The following ST6GALNAC5 variants were observed in gnomAD, a reference collection of about 807,000 sequenced individuals.
ST6GALNAC5 encodes alpha-N-acetylgalactosaminide alpha-2,6-sialyltransferase 5.
A neutral mutation model predicts 33.6 loss-of-function variants in ST6GALNAC5; 27 were observed. The ratio of observed to expected loss-of-function variants is 0.80; its 90% CI spans 0.59 to 1.11. ST6GALNAC5 has a LOEUF of 1.11. Among genes scored for constraint, ST6GALNAC5 ranks in the 50% least tolerant of loss-of-function variants. The pLI is 0.00. For synonymous variants in ST6GALNAC5, 194 were observed against 171.2 expected (o/e 1.13, Z -1.04); for missense variants, 428 against 454.0 (o/e 0.94, Z 0.52).
At chr1:76,958,637 G>A (rs567075284) in intron 2 of ST6GALNAC5, among the ~76,000 whole-genome samples, 1 of 151,962 alleles carries the variant, frequency 6.6e-6, no homozygotes, top group Non-Finnish European at 1.5e-5. Context: ...AATAGTAGAT[G>A]GCACATTTTG....
At chr1:77,039,245 C>T (rs534609481) in intron 2 of ST6GALNAC5, among the ~76,000 whole-genome samples, 313 of 152,316 alleles carry the variant, frequency 2.1e-3, no homozygotes, top group African/African-American at 6.8e-3. Flanking sequence ...TTTTTCACCT[C>T]ACAACAGCTC....
Position 77,044,440 on chromosome 1 carries a change from C to T in ST6GALNAC5, c.498C>T (p.Thr166=), listed in dbSNP as rs369823894. 62 of 1,613,150 alleles carry T rather than the reference C, an allele frequency of 3.8e-5. No homozygotes were observed. The East Asian group carries it at 4.7e-4, about 12-fold the overall frequency. Reference sequence around the variant, plus strand: ...ACCTGCTCAACGTGAGCCAGGGCACCGTGTTCATCTTCTGGGGCCCCAGCA... The same window carrying T: ...ACCTGCTCAACGTGAGCCAGGGCACTGTGTTCATCTTCTGGGGCCCCAGCA... ...RHDLLNVSQG[T]VFIFWGPSSY... Residue 166 remains threonine, a synonymous_variant, in exon 3 of 5, where the codon ACC becomes ACT. Transcript: ENST00000477717.
chr1:76,986,506 A>G (rs1489978440), intron 2 of ST6GALNAC5, among the ~76,000 whole-genome samples: 1 of 152,238 alleles, frequency 6.6e-6, no homozygotes, highest in Non-Finnish European at 1.5e-5. Flanking sequence ...TTAAAAAGTC[A>G]GGAAACAATA....
intron 4 of ST6GALNAC5, among the ~76,000 whole-genome samples, chr1:77,056,527 T>C (rs558584621): frequency 2.0e-5 from 3 of 152,300 alleles, no homozygotes. Flanking sequence ...ATGAAGGACA[T>C]CTCAAAGGTA....
intron 2 of ST6GALNAC5, among the ~76,000 whole-genome samples, chr1:76,909,167 T>C (rs1646889316): frequency 6.6e-6 from 1 of 152,152 alleles, no homozygotes; most frequent in African/African-American, 2.4e-5. Context: ...ATTAGGTGCC[T>C]CAAAGGCAGT....
chr1:76,872,184 C>T (rs982110591), intron 2 of ST6GALNAC5, among the ~76,000 whole-genome samples: 3 of 151,564 alleles, frequency 2.0e-5, no homozygotes, highest in Non-Finnish European at 4.4e-5. Context: ...TGGAAGGGAA[C>T]ATGGAACACA....
intron 2 of ST6GALNAC5, among the ~76,000 whole-genome samples, chr1:76,998,905 G>C (rs923334347): frequency 2.6e-5 from 4 of 152,072 alleles, no homozygotes; most frequent in African/African-American, 9.7e-5. Context: ...TGTTATAGAA[G>C]ACAGGCAGTG....
intron 2 of ST6GALNAC5, among the ~76,000 whole-genome samples, chr1:76,884,281 G>A (rs902551656): frequency 2.0e-5 from 3 of 152,192 alleles, no homozygotes; most frequent in Admixed American, 6.5e-5. Context: ...AAAGAGAGCT[G>A]AGGATGATCC....
chr1:77,024,373 T>TTGAA (rs1324732617), intron 2 of ST6GALNAC5, among the ~76,000 whole-genome samples: 1 of 152,194 alleles, frequency 6.6e-6, no homozygotes, highest in African/African-American at 2.4e-5. Context: ...AGGATATTTC[T>TTGAA]TGAATGAATG....
At chr1:76,899,506 C>T (rs1295479445) in intron 2 of ST6GALNAC5, among the ~76,000 whole-genome samples, 2 of 152,124 alleles carry the variant, frequency 1.3e-5, no homozygotes, top group African/African-American at 4.8e-5. Context: ...GCCCCTCCCC[C>T]AGAAAAGCGG....
chr1:77,029,405 G>A (rs1021590712), intron 2 of ST6GALNAC5, among the ~76,000 whole-genome samples: 1 of 152,326 alleles, frequency 6.6e-6, no homozygotes, highest in East Asian at 1.9e-4. Flanking sequence ...GTCTCCTTCT[G>A]TTCTTTGGCT....
At chr1:77,031,830 C>G (rs1177342856) in intron 2 of ST6GALNAC5, among the ~76,000 whole-genome samples, 1 of 152,092 alleles carries the variant, frequency 6.6e-6, no homozygotes, top group Non-Finnish European at 1.5e-5. Flanking sequence ...GTGACTTAAA[C>G]CCAACACAAA....
intron 2 of ST6GALNAC5, among the ~76,000 whole-genome samples, chr1:76,912,820 A>G (rs1370926553): frequency 1.3e-5 from 2 of 151,942 alleles, no homozygotes; most frequent in Non-Finnish European, 1.5e-5. Flanking sequence ...GTGTCTGCAC[A>G]TGAGATGGGT....
intron 2 of ST6GALNAC5, among the ~76,000 whole-genome samples, chr1:76,957,209 G>A (rs945234049): frequency 3.3e-5 from 5 of 152,076 alleles, no homozygotes; most frequent in Middle Eastern, 3.2e-3. Flanking sequence ...TATTGGCAGG[G>A]CCATGCTCCC....
intron 2 of ST6GALNAC5, among the ~76,000 whole-genome samples, chr1:76,960,686 C>T (rs567378319): frequency 5.9e-5 from 9 of 152,168 alleles, no homozygotes; most frequent in Non-Finnish European, 1.0e-4. Flanking sequence ...GATGCATTCT[C>T]TTTCTCAGGG....
chr1:76,932,949 G>T (rs1194128907), intron 2 of ST6GALNAC5, among the ~76,000 whole-genome samples: 1 of 151,986 alleles, frequency 6.6e-6, no homozygotes, highest in East Asian at 1.9e-4. Context: ...TCTTCCTGTT[G>T]GAAATATATT....
chr1:77,060,048 G>T (rs1652524863), intron 4 of ST6GALNAC5: 1 of 152,084 alleles, frequency 6.6e-6, no homozygotes, highest in Admixed American at 6.6e-5. Context: ...TTTCCTTAAA[G>T]CTCCCCAACC....
At chr1:76,992,953 C>T (rs78433070) in intron 2 of ST6GALNAC5, among the ~76,000 whole-genome samples, 4,723 of 152,270 alleles carry the variant, frequency 0.031, 89 homozygotes, top group African/African-American at 0.048. Context: ...TTCCAGTTTG[C>T]TACCTCCTAT....
intron 2 of ST6GALNAC5, among the ~76,000 whole-genome samples, chr1:76,996,993 C>T (rs1370671610): frequency 1.3e-5 from 2 of 152,136 alleles, no homozygotes; most frequent in East Asian, 3.8e-4. Context: ...GGGTCAGTTT[C>T]AGGAACATCA....
Sources: allele counts gnomAD v4.1 joint callset (sites outside exome capture counted in the v4.1 genomes callset), GRCh38; gene constraint gnomAD v4.1.1; transcripts MANE v1.5; gene names NCBI Gene and HGNC (gene_info 2026-07-23, HGNC 2026-07-21).